The following SYNPO2 variants were observed in gnomAD, a reference collection of about 807,000 sequenced individuals.
SYNPO2 encodes the protein synaptopodin-2.
A neutral mutation model predicts 85.0 loss-of-function variants in SYNPO2; 56 were observed. The observed-to-expected ratio is 0.66, with a 90% CI of 0.53 to 0.82. The LOEUF (loss-of-function observed/expected upper bound fraction) is 0.82. Among genes scored for constraint, SYNPO2 ranks in the 40% least tolerant of loss-of-function variants. SYNPO2 has a pLI of 0.00. For missense variants in SYNPO2, 1,575 were observed against 1,534.2 expected (o/e 1.03, Z -0.44); for synonymous variants, 602 against 591.1 (o/e 1.02, Z -0.27).
rs139080931 is a variant in SYNPO2, at chr4:119,000,939, A to G, written c.106-22491A>G. Among the ~76,000 whole-genome samples, 517 of 152,322 alleles carry G rather than the reference A, an allele frequency of 3.4e-3. 2 individuals carry two copies. Among genetic ancestry groups the G allele is most frequent in the African/African-American group, 0.012 (482 of 41,564 alleles). ...CACCTGAAACCATTCACTGGGGCACAAATCTATTAGGCCTAGAGTTTCATA... is the reference window on the plus strand; with the variant it reads ...CACCTGAAACCATTCACTGGGGCACGAATCTATTAGGCCTAGAGTTTCATA... On this transcript the variant is annotated intron_variant, in intron 1 of 4. Coordinates refer to ENST00000307142, the MANE Select transcript of SYNPO2 (RefSeq NM_133477.3).
chr4:118,961,108 C>CA (rs1271038762), intron 1 of SYNPO2, among the ~76,000 whole-genome samples: 12 of 120,340 alleles, frequency 1.0e-4, no homozygotes, highest in African/African-American at 3.5e-4. Context: ...CGCCCCCCCC[C>CA]CACCCCTCCA....
chr4:118,957,053 TA>T (rs1012457312), intron 1 of SYNPO2, among the ~76,000 whole-genome samples: 2 of 146,558 alleles, frequency 1.4e-5, no homozygotes, highest in Non-Finnish European at 3.0e-5. Context: ...TCAAAAAAAA[TA>T]AAAAAAATAA....
Position 118,853,744 on chromosome 4 carries a change from T to A in SYNPO2, c.12+2804T>A, listed in dbSNP as rs75019348. On this transcript the variant is annotated intron_variant, in intron 1 of 4. Coordinates refer to the SYNPO2 transcript ENST00000610556. The stretch of plus-strand genomic sequence containing the variant: ...ATCATTGCCTCCTACAGTCTTGGCA[T>A]TGTAGCCAATTATGCCATGGCCTGT... 5.3e-3 allele frequency among the ~76,000 whole-genome samples: 802 copies of A among 152,228 alleles called. 4 individuals carry two copies. The highest frequency in any genetic ancestry group is 0.015 in the African/African-American group (628 of 41,556).
intron 1 of SYNPO2, among the ~76,000 whole-genome samples, chr4:118,975,846 C>G (rs1274808035): frequency 6.6e-6 from 1 of 152,214 alleles, no homozygotes; most frequent in East Asian, 1.9e-4. Flanking sequence ...TGCCTTTGAA[C>G]TTGAATTTCA....
At chr4:119,054,962 C>A (rs963645528) in intron 4 of SYNPO2, among the ~76,000 whole-genome samples, 3 of 152,128 alleles carry the variant, frequency 2.0e-5, no homozygotes, top group Non-Finnish European at 2.9e-5. Flanking sequence ...CACTGTTGTT[C>A]TAATTCTTCC....
chr4:118,989,287 T>C (rs1267138020), intron 1 of SYNPO2, among the ~76,000 whole-genome samples: 2 of 152,076 alleles, frequency 1.3e-5, no homozygotes, highest in Admixed American at 6.6e-5. Context: ...TGAGAGGAGG[T>C]GTTCATCTTC....
Position 118,862,604 on chromosome 4 carries a change from T to G in SYNPO2, c.12+11664T>G, listed in dbSNP as rs138334702. On this transcript the variant is annotated intron_variant, in intron 1 of 4. Transcript: ENST00000610556. ...ATGATCATATTATTTTTATCCTTCATTCTGCTGATATGATATACTGCATTG... is the reference window on the plus strand; with the variant it reads ...ATGATCATATTATTTTTATCCTTCAGTCTGCTGATATGATATACTGCATTG... 6.0e-3 allele frequency among the ~76,000 whole-genome samples: 908 copies of G among 152,360 alleles called. 8 individuals carry two copies. Among genetic ancestry groups the G allele is most frequent in the Non-Finnish European group, 9.0e-3 (611 of 68,042 alleles).
At chr4:119,026,167 A>G (rs1443569563) in intron 2 of SYNPO2, among the ~76,000 whole-genome samples, 2 of 152,214 alleles carry the variant, frequency 1.3e-5, no homozygotes, top group Non-Finnish European at 2.9e-5. Flanking sequence ...CAGCCTCTAA[A>G]AGGACTAGTT....
At chr4:118,937,134 A>G (rs891799607) in intron 1 of SYNPO2, among the ~76,000 whole-genome samples, 7 of 152,194 alleles carry the variant, frequency 4.6e-5, no homozygotes, top group Admixed American at 3.9e-4. Flanking sequence ...TGTCTTTAGT[A>G]AAACTCTCCA....
At chr4:119,056,248 G>A (rs968517912) in intron 4 of SYNPO2, among the ~76,000 whole-genome samples, 69 of 152,248 alleles carry the variant, frequency 4.5e-4, no homozygotes, top group African/African-American at 1.7e-3. Context: ...AACACAAGAG[G>A]TTTCATTAAA....
At chr4:118,925,146 C>T (rs377304125) in intron 1 of SYNPO2, among the ~76,000 whole-genome samples, 7 of 151,864 alleles carry the variant, frequency 4.6e-5, no homozygotes, top group African/African-American at 7.3e-5. Flanking sequence ...TGGAGTGCAC[C>T]GAAGTTTTAA....
At chr4:118,874,440 T>C (rs1239751209) in intron 1 of SYNPO2, among the ~76,000 whole-genome samples, 2 of 152,160 alleles carry the variant, frequency 1.3e-5, no homozygotes, top group East Asian at 3.8e-4. Flanking sequence ...GGCAAAATTC[T>C]CTCCTAATTT....
intron 1 of SYNPO2, among the ~76,000 whole-genome samples, chr4:118,985,257 C>T (rs1051607519): frequency 6.6e-6 from 1 of 152,170 alleles, no homozygotes; most frequent in African/African-American, 2.4e-5. Flanking sequence ...GCTCAGTGCT[C>T]CTTAGCTTCT....
chr4:119,031,391 A>T lies in SYNPO2; in HGVS notation c.2616A>T (p.Gly872=). 6.2e-7 allele frequency: 1 copy of T among 1,614,124 alleles called. No homozygotes were observed. The highest frequency in any genetic ancestry group is 8.5e-7 in the Non-Finnish European group (1 of 1,180,014). Reference sequence around the variant, plus strand: ...AGCTTCCAGGAATGAGTGGGAGAGGAGCTCAGCTCTTTGCTAAAAGGCAGT... The same window carrying T: ...AGCTTCCAGGAATGAGTGGGAGAGGTGCTCAGCTCTTTGCTAAAAGGCAGT... ...SNELPGMSGR[G]AQLFAKRQSR... The change falls in exon 4 of 5, where the codon GGA becomes GGT. Residue 872 remains glycine, a synonymous_variant. Coordinates refer to ENST00000307142, the MANE Select transcript of SYNPO2 (RefSeq NM_133477.3).
chr4:118,869,351 TAAG>T (rs1731759804), intron 1 of SYNPO2, among the ~76,000 whole-genome samples: 1 of 152,172 alleles, frequency 6.6e-6, no homozygotes, highest in Non-Finnish European at 1.5e-5. Flanking sequence ...GCACCCAGCC[TAAG>T]AAAATTATTG....
intron 4 of SYNPO2, chr4:119,037,857 A>G (rs1005137134): frequency 1.0e-5 from 2 of 193,624 alleles, no homozygotes; most frequent in Admixed American, 1.3e-4. Context: ...ATTCTGAGGC[A>G]CAAAGAGGCT....
At chr4:118,999,474 G>A (rs1049583319) in intron 1 of SYNPO2, among the ~76,000 whole-genome samples, 3 of 152,014 alleles carry the variant, frequency 2.0e-5, no homozygotes, top group East Asian at 1.9e-4. Flanking sequence ...TTAAAATAAG[G>A]TTTCTGCTTT....
At chr4:118,982,368 C>A (rs1736058763) in intron 1 of SYNPO2, among the ~76,000 whole-genome samples, 1 of 152,184 alleles carries the variant, frequency 6.6e-6, no homozygotes, top group African/African-American at 2.4e-5. Context: ...GTCTTCATAA[C>A]CCTCTCGGAT....
Position 119,057,460 on chromosome 4 carries a change from T to C in SYNPO2, c.3312T>C (p.Ser1104=). The C allele has an allele frequency of 6.2e-7, 1 of 1,613,882 alleles. No individual in the cohort carries two copies. The highest frequency in any genetic ancestry group is 8.5e-7 in the Non-Finnish European group (1 of 1,179,964). Residue 1104 remains serine, a synonymous_variant, in exon 5 of 5, where the codon TCT becomes TCC. Coordinates refer to ENST00000307142, the MANE Select transcript of SYNPO2 (RefSeq NM_133477.3). ...CAGTCCCACCCCCCATTTCTACATC[T>C]CCTTGGGTATACCAGCCTACTTATA... The part of the protein sequence containing the change: ...GRSVPPPIST[S]PWVYQPTYSY...
Sources: gnomAD v4.1 joint callset for allele counts (sites outside exome capture counted in the v4.1 genomes callset) on GRCh38, gnomAD v4.1.1 for gene constraint, MANE v1.5 for transcripts, NCBI Gene and HGNC (gene_info 2026-07-23, HGNC 2026-07-21) for gene names.